Variants in RYR2 observed in about 807,000 individuals in gnomAD.
RYR2 encodes the protein cardiac muscle ryanodine receptor-calcium release channel.
Under a neutral mutation model 601.1 loss-of-function variants are expected in RYR2, and 227 were observed. The observed-to-expected ratio is 0.38, with a 90% CI of 0.34 to 0.42. The LOEUF is 0.42. Ranked by LOEUF, RYR2 falls within the 10% of genes least tolerant of loss-of-function variation. RYR2 has a pLI of 1.00. For synonymous variants in RYR2, 2,223 were observed against 2,175.1 expected (o/e 1.02, Z -0.61); for missense variants, 4,646 against 6,156.5 (o/e 0.75, Z 8.21).
At chr1:237,429,076 T>A (rs1295577019) in intron 12 of RYR2, among the ~76,000 whole-genome samples, 1 of 151,998 alleles carries the variant, frequency 6.6e-6, no homozygotes, top group East Asian at 1.9e-4. Flanking sequence ...ACTGGGAACA[T>A]GCCAACAGTT....
chr1:237,422,965 A>G (rs1017988999), intron 11 of RYR2, 127 bp from the exon 12 acceptor site: 1 of 1,061,406 alleles, frequency 9.4e-7, no homozygotes, highest in Non-Finnish European at 1.3e-6. Context: ...AATATCACTA[A>G]TATCCTAAGT....
At chr1:237,128,112 C>T (rs936815224) in intron 1 of RYR2, among the ~76,000 whole-genome samples, 3 of 151,972 alleles carry the variant, frequency 2.0e-5, no homozygotes, top group Non-Finnish European at 2.9e-5. Flanking sequence ...ACTGAGTGAA[C>T]GAGACTCCGT....
chr1:237,806,081 A>G lies in RYR2; in HGVS notation c.14152-56A>G, dbSNP rs957016622. ...TGGCTTATTTTGCTTAACCCATAAC[A>G]ATAGTCATGCGTTCTGTTTTCTGAC... is the stretch of plus-strand genomic sequence containing the variant. On this transcript the variant is annotated intron_variant, in intron 98 of 104. Transcript: ENST00000366574. 3.5e-5 allele frequency: 53 copies of G among 1,504,258 alleles called. No homozygotes were observed. The African/African-American group carries it at 7.3e-4, about 21-fold the overall frequency. 93.2% of individuals were successfully genotyped at this position (1,504,258 alleles called of 1,614,324 possible).
chr1:237,558,732 T>C (rs1181846894), intron 27 of RYR2, among the ~76,000 whole-genome samples: 2 of 152,284 alleles, frequency 1.3e-5, no homozygotes, highest in Non-Finnish European at 2.9e-5. Flanking sequence ...GTGATTTCCA[T>C]TATGTGTATG....
At chr1:237,600,743 C>A (rs1379861218) in intron 34 of RYR2, among the ~76,000 whole-genome samples, 1 of 152,000 alleles carries the variant, frequency 6.6e-6, no homozygotes, top group Non-Finnish European at 1.5e-5. Context: ...GGAACACAAA[C>A]AACAATAGTA....
chr1:237,425,082 T>C (rs1706009455), intron 12 of RYR2, among the ~76,000 whole-genome samples: 1 of 152,196 alleles, frequency 6.6e-6, no homozygotes, highest in African/African-American at 2.4e-5. Flanking sequence ...TTAAAAGTAG[T>C]TATTTACAAC....
chr1:237,181,126 G>GGT, intron 1 of RYR2, among the ~76,000 whole-genome samples: 1 of 152,102 alleles, frequency 6.6e-6, no homozygotes, highest in African/African-American at 2.4e-5. Flanking sequence ...TGGGATTACA[G>GGT]GCACCTGCCA....
intron 1 of RYR2, among the ~76,000 whole-genome samples, chr1:237,071,788 C>T (rs1031914692): frequency 1.3e-5 from 2 of 152,178 alleles, no homozygotes; most frequent in African/African-American, 4.8e-5. Flanking sequence ...CTGTGCACAC[C>T]GAGGGGTGCC....
At chr1:237,720,682 C>T (rs768904609) in intron 73 of RYR2, among the ~76,000 whole-genome samples, 11 of 152,076 alleles carry the variant, frequency 7.2e-5, no homozygotes, top group Non-Finnish European at 7.4e-5. Context: ...GCAGGGGATC[C>T]CCAGGGGACC....
At chr1:237,449,961 T>C (rs1657887697) in intron 14 of RYR2, among the ~76,000 whole-genome samples, 1 of 152,172 alleles carries the variant, frequency 6.6e-6, no homozygotes, top group Non-Finnish European at 1.5e-5. Flanking sequence ...TTTGTTTGGA[T>C]CTTGCCTTTA....
intron 1 of RYR2, among the ~76,000 whole-genome samples, chr1:237,196,363 C>T (rs939549682): frequency 5.3e-5 from 8 of 152,088 alleles, no homozygotes; most frequent in Non-Finnish European, 1.2e-4. Flanking sequence ...TTTTCATTTG[C>T]ATTATCTTAT....
intron 1 of RYR2, among the ~76,000 whole-genome samples, chr1:237,209,139 A>AT (rs916652645): frequency 6.6e-6 from 1 of 150,772 alleles, no homozygotes; most frequent in Non-Finnish European, 1.5e-5. Flanking sequence ...CAGGATACAT[A>AT]TTTATATATA....
At chr1:237,461,904 T>C (rs1265267432) in intron 16 of RYR2, among the ~76,000 whole-genome samples, 2 of 152,096 alleles carry the variant, frequency 1.3e-5, no homozygotes, top group Non-Finnish European at 2.9e-5. Context: ...ATCAATTTCA[T>C]GACCAGAAAA....
intron 7 of RYR2, 49 bp from the exon 8 acceptor site, chr1:237,377,274 T>G: frequency 7.2e-7 from 1 of 1,398,198 alleles, no homozygotes. Context: ...GAAAATAGAT[T>G]TTAATTAAGA....
chr1:237,551,728 A>T (rs1670426838), intron 27 of RYR2, among the ~76,000 whole-genome samples: 1 of 152,142 alleles, frequency 6.6e-6, no homozygotes, highest in African/African-American at 2.4e-5. Flanking sequence ...AGTGGCTCAT[A>T]TTTTCAGTGC....
At chr1:237,330,801 G>T in intron 2 of RYR2, 77 bp from the exon 3 acceptor site, 1 of 1,074,782 alleles carries the variant, frequency 9.3e-7, no homozygotes. Flanking sequence ...GAAAGAAACT[G>T]GAGCCTCCTA....
At chr1:237,659,878 G>A in intron 54 of RYR2, 107 bp from the exon 55 acceptor site, 1 of 615,138 alleles carries the variant, frequency 1.6e-6, no homozygotes, top group South Asian at 2.5e-5. Context: ...CCTTACCTTA[G>A]TTCATTTTAG....
At chr1:237,468,204 CT>C (rs891431156) in intron 16 of RYR2, among the ~76,000 whole-genome samples, 3 of 152,130 alleles carry the variant, frequency 2.0e-5, no homozygotes, top group Non-Finnish European at 2.9e-5. Context: ...ATCTTTCTCT[CT>C]TTAAATATCA....
chr1:237,798,205 G>C lies in RYR2; in HGVS notation c.14090+35G>C, dbSNP rs770144113. 3.2e-6 allele frequency: 5 copies of C among 1,575,890 alleles called. No individual in the cohort carries two copies. The African/African-American group carries it at 6.9e-5, about 22-fold the overall frequency. On this transcript the variant is annotated intron_variant, in intron 97 of 104. Transcript: ENST00000366574. ...ACTTCGGCTCTATCCTACAGACTTA[G>C]ATTGAAAGGGGAAAACATTAATACA...
Sources: allele counts gnomAD v4.1 joint callset (sites outside exome capture counted in the v4.1 genomes callset), GRCh38; gene constraint gnomAD v4.1.1; transcripts MANE v1.5; gene names NCBI Gene and HGNC (gene_info 2026-07-23, HGNC 2026-07-21).